Variants in KLF12 observed in about 807,000 individuals in gnomAD.
KLF12 encodes KLF transcription factor 12.
In KLF12, 9 loss-of-function variants were observed where a neutral mutation model predicts 37.8. The ratio of observed to expected loss-of-function variants is 0.24; its 90% confidence interval spans 0.14 to 0.42. KLF12 has a LOEUF of 0.42. Ranked by LOEUF, KLF12 falls within the 10% of genes least tolerant of loss-of-function variation. The pLI, the probability that KLF12 is intolerant of heterozygous loss-of-function variation, is 1.00. For synonymous variants in KLF12, 208 were observed against 202.1 expected (o/e 1.03, Z -0.25); for missense variants, 411 against 516.0 (o/e 0.80, Z 1.97).
In KLF12 at chr13:74,122,520, C is replaced by T. The variant is rs1877690560; in HGVS notation, c.-32+11219G>A. ...GCAACATTTATGAAAATTGATACAT[C>T]TTGAATGGATGGTCCTATCCCTGGG... On this transcript the variant is annotated intron_variant, in intron 1 of 7. Transcript: ENST00000377669. 2.0e-5 allele frequency among the ~76,000 whole-genome samples: 3 copies of T among 152,024 alleles called. No individual in the cohort carries two copies. The South Asian group carries it at 6.2e-4, about 32-fold the overall frequency.
intron 3 of KLF12, among the ~76,000 whole-genome samples, chr13:73,849,354 G>C (rs1310939650): frequency 7.1e-6 from 1 of 140,154 alleles, no homozygotes; most frequent in Non-Finnish European, 1.5e-5. Flanking sequence ...TCTCCAGCTT[G>C]GGCAACAGAG....
chr13:73,733,773 C>G (rs994493523), intron 6 of KLF12, among the ~76,000 whole-genome samples: 1 of 152,144 alleles, frequency 6.6e-6, no homozygotes, highest in East Asian at 1.9e-4. Context: ...TTTACATTCC[C>G]ACAAGCAAAG....
At chr13:73,926,267 C>T (rs1889371423) in intron 3 of KLF12, among the ~76,000 whole-genome samples, 1 of 152,076 alleles carries the variant, frequency 6.6e-6, no homozygotes, top group African/African-American at 2.4e-5. Flanking sequence ...CCACAGCCAC[C>T]CCAACCTCAG....
At chr13:74,112,336 A>G (rs1489975708) in intron 1 of KLF12, among the ~76,000 whole-genome samples, 1 of 149,000 alleles carries the variant, frequency 6.7e-6, no homozygotes, top group Non-Finnish European at 1.5e-5. Context: ...TTCTTTATAC[A>G]GGCATGCCTT....
At chr13:74,020,890 CA>C (rs377702369) in intron 1 of KLF12, among the ~76,000 whole-genome samples, 201 of 117,994 alleles carry the variant, frequency 1.7e-3, no homozygotes, top group Non-Finnish European at 1.5e-3. Context: ...CACTCCGTCT[CA>C]AAAAAAAAAA....
chr13:74,048,361 T>C (rs531747084), intron 1 of KLF12, among the ~76,000 whole-genome samples: 2 of 152,048 alleles, frequency 1.3e-5, no homozygotes, highest in Non-Finnish European at 2.9e-5. Context: ...TGGGTTTCTG[T>C]AACTTCCAAT....
At chr13:74,013,728 G>A (rs770279987) in intron 1 of KLF12, among the ~76,000 whole-genome samples, 2 of 152,020 alleles carry the variant, frequency 1.3e-5, no homozygotes, top group South Asian at 2.1e-4. Context: ...TATTTTACTT[G>A]TAGGGTTTTT....
chr13:74,038,464 A>G (rs1437763236), intron 1 of KLF12, among the ~76,000 whole-genome samples: 1 of 152,194 alleles, frequency 6.6e-6, no homozygotes, highest in African/African-American at 2.4e-5. Context: ...CATCCACGAC[A>G]AAAAGCAGTG....
the KLF12 span, among the ~76,000 whole-genome samples, chr13:74,154,063 T>TA: frequency 1.1e-5 from 1 of 92,544 alleles, no homozygotes; most frequent in East Asian, 3.4e-4. Flanking sequence ...CCGTCTCTAG[T>TA]AAAATACCAA....
rs943190436 is a variant in KLF12 at position 73,688,057 on chromosome 13, T to C, written c.*7433A>G. On this transcript the variant is annotated 3_prime_UTR_variant, in exon 8 of 8. Transcript: ENST00000377669. ...AGAGAATTTGTTTATACAGCTTCTA[T>C]CTCTTTCCCCAGCCAAGTAACAGGG... 2.6e-5 allele frequency: 4 copies of C among 152,584 alleles called. No homozygotes were observed. Among genetic ancestry groups the C allele is most frequent in the African/African-American group, 7.2e-5 (3 of 41,440 alleles). The allele number at this position is 152,584 out of a possible 1,614,324, so 9.5% of individuals were successfully genotyped here.
chr13:73,751,056 T>C (rs1878720709), intron 6 of KLF12, among the ~76,000 whole-genome samples: 1 of 152,190 alleles, frequency 6.6e-6, no homozygotes, highest in African/African-American at 2.4e-5. Context: ...GGCATGGCAA[T>C]GATTGGATTC....
At chr13:73,767,391 T>A (rs1037334489) in intron 5 of KLF12, among the ~76,000 whole-genome samples, 3 of 152,222 alleles carry the variant, frequency 2.0e-5, no homozygotes, top group Admixed American at 6.5e-5. Context: ...ATTCTTCCCT[T>A]AGCCTCACAC....
At position 73,940,284 on chromosome 13, in the gene KLF12, T is replaced by A. The variant is rs193001178; in HGVS notation, c.123+3697A>T. 2.0e-5 allele frequency among the ~76,000 whole-genome samples: 3 copies of A among 152,266 alleles called. No individual in the cohort carries two copies. The East Asian group carries it at 5.8e-4, about 29-fold the overall frequency. On this transcript the variant is annotated intron_variant, in intron 3 of 7. Coordinates refer to ENST00000377669, the MANE Select transcript of KLF12 (RefSeq NM_007249.5). ...CTCCTTGCTGTGCCCCTGAAGCGTA[T>A]CACAAGAGCACATGCCCTTCCTAGA...
At chr13:74,051,849 T>C (rs558831148) in intron 1 of KLF12, among the ~76,000 whole-genome samples, 6 of 152,282 alleles carry the variant, frequency 3.9e-5, no homozygotes, top group South Asian at 4.1e-4. Context: ...AACAATAATA[T>C]AGTGTGTATT....
In KLF12 at chr13:73,887,701, G is replaced by T. The variant is rs184761559; in HGVS notation, c.124-41328C>A. On this transcript the variant is annotated intron_variant, in intron 3 of 7. Transcript: ENST00000377669. ...AAAAGGTATCTTCATTTTTAAAAAG[G>T]TTCATTTTGTTCACATGGTTTTACA... Among the ~76,000 whole-genome samples, 25 of 142,660 alleles carry T rather than the reference G, an allele frequency of 1.8e-4. No homozygotes were observed. The East Asian group carries it at 4.8e-3, about 27-fold the overall frequency. 93.6% of individuals were successfully genotyped at this position (142,660 alleles called of 152,430 possible).
the KLF12 span, among the ~76,000 whole-genome samples, chr13:74,210,743 C>T: frequency 8.6e-6 from 1 of 116,598 alleles, no homozygotes; most frequent in African/African-American, 2.6e-5. Context: ...AGACATGGTA[C>T]CTGGTGAGCC....
At chr13:73,889,380 T>A (rs1887389776) in intron 3 of KLF12, among the ~76,000 whole-genome samples, 1 of 152,226 alleles carries the variant, frequency 6.6e-6, no homozygotes, top group Admixed American at 6.5e-5. Context: ...GTATTCATCA[T>A]ACTGTCTTTG....
At chr13:73,750,938 G>A (rs984876541) in intron 6 of KLF12, among the ~76,000 whole-genome samples, 1 of 152,154 alleles carries the variant, frequency 6.6e-6, no homozygotes, top group Non-Finnish European at 1.5e-5. Flanking sequence ...GTGATGCAAA[G>A]GGCCTCATAC....
chr13:73,790,546 T>C (rs1881627649), intron 5 of KLF12, among the ~76,000 whole-genome samples: 1 of 152,220 alleles, frequency 6.6e-6, no homozygotes, highest in Non-Finnish European at 1.5e-5. Context: ...ACCCAATACT[T>C]TCCAGGGTGA....
Sources: gnomAD v4.1 joint callset for allele counts (sites outside exome capture counted in the v4.1 genomes callset) on GRCh38, gnomAD v4.1.1 for gene constraint, MANE v1.5 for transcripts, NCBI Gene and HGNC (gene_info 2026-07-23, HGNC 2026-07-21) for gene names.